The following SHROOM3 variants were observed in gnomAD, a reference collection of about 807,000 sequenced individuals.
The protein encoded by SHROOM3 is protein Shroom3.
SHROOM3 carries 47 observed loss-of-function variants against 138.6 expected under a neutral mutation model. The ratio of observed to expected loss-of-function variants is 0.34; its 90% CI spans 0.27 to 0.43. The LOEUF (loss-of-function observed/expected upper bound fraction) is 0.43, where lower values mean the gene tolerates loss of function less well. Among genes scored for constraint, SHROOM3 ranks in the 20% least tolerant of loss-of-function variants. The pLI is 1.00. For missense variants in SHROOM3, 2,491 were observed against 2,596.5 expected (o/e 0.96, Z 0.88); for synonymous variants, 1,062 against 1,063.3 (o/e 1.00, Z 0.02).
intron 2 of SHROOM3, among the ~76,000 whole-genome samples, chr4:76,683,205 CTATTA>C (rs952302997): frequency 5.9e-5 from 9 of 152,014 alleles, no homozygotes; most frequent in Non-Finnish European, 1.0e-4. Context: ...TCATAATCAT[CTATTA>C]TGTGTTTTAT....
At chr4:76,636,804 C>T (rs910964551) in intron 2 of SHROOM3, among the ~76,000 whole-genome samples, 1 of 152,214 alleles carries the variant, frequency 6.6e-6, no homozygotes, top group Admixed American at 6.5e-5. Context: ...CCACCTTTCA[C>T]CCTGAGCTGC....
At chr4:76,547,775 C>T (rs139401494) in intron 1 of SHROOM3, among the ~76,000 whole-genome samples, 1,832 of 152,154 alleles carry the variant, frequency 0.012, 11 homozygotes, top group Non-Finnish European at 0.019. Context: ...ACTAAAGATA[C>T]AAAAATTAAC....
chr4:76,615,538 C>T (rs1734855993), intron 2 of SHROOM3, among the ~76,000 whole-genome samples: 1 of 152,168 alleles, frequency 6.6e-6, no homozygotes, highest in Non-Finnish European at 1.5e-5. Flanking sequence ...TCATCCTGCT[C>T]TTAATGACTG....
chr4:76,581,801 T>G (rs555844912), intron 2 of SHROOM3, among the ~76,000 whole-genome samples: 1 of 152,234 alleles, frequency 6.6e-6, no homozygotes, highest in African/African-American at 2.4e-5. Context: ...GAAACCTATA[T>G]GTGGGAATTT....
At chr4:76,674,536 T>A (rs1341523030) in intron 2 of SHROOM3, among the ~76,000 whole-genome samples, 3 of 150,730 alleles carry the variant, frequency 2.0e-5, no homozygotes, top group Non-Finnish European at 4.4e-5. Flanking sequence ...TTTCTTTCTT[T>A]CTTTCCTTCC....
intron 6 of SHROOM3, among the ~76,000 whole-genome samples, chr4:76,750,225 G>A (rs1218665931): frequency 6.6e-6 from 1 of 152,082 alleles, no homozygotes; most frequent in Non-Finnish European, 1.5e-5. Flanking sequence ...AGAGACAAGG[G>A]AAAACTAACA....
At chr4:76,450,554 A>G (rs772917869) in intron 1 of SHROOM3, among the ~76,000 whole-genome samples, 106 of 152,258 alleles carry the variant, frequency 7.0e-4, no homozygotes, top group Non-Finnish European at 2.9e-5. Flanking sequence ...TGGCAATAAG[A>G]AGGAACTGAG....
intron 1 of SHROOM3, among the ~76,000 whole-genome samples, chr4:76,519,550 A>C (rs1732520041): frequency 6.6e-6 from 1 of 152,218 alleles, no homozygotes; most frequent in Admixed American, 6.5e-5. Context: ...ATTTCCCCCC[A>C]GAACAAACAT....
At chr4:76,547,209 G>A (rs1386868365) in intron 1 of SHROOM3, among the ~76,000 whole-genome samples, 1 of 152,208 alleles carries the variant, frequency 6.6e-6, no homozygotes, top group Non-Finnish European at 1.5e-5. Context: ...CAAGTGAAGT[G>A]TTACTTTAGG....
At chr4:76,697,825 G>A (rs901571870) in intron 2 of SHROOM3, among the ~76,000 whole-genome samples, 1 of 152,218 alleles carries the variant, frequency 6.6e-6, no homozygotes, top group African/African-American at 2.4e-5. Context: ...TGGTATGTAT[G>A]TCAGTGGGTC....
chr4:76,694,658 G>T (rs955943420), intron 2 of SHROOM3, among the ~76,000 whole-genome samples: 38 of 152,156 alleles, frequency 2.5e-4, no homozygotes, highest in Admixed American at 7.2e-4. Context: ...TCTGCAAGAT[G>T]GTGATAATGA....
At chr4:76,482,507 G>A (rs1560519852) in intron 1 of SHROOM3, among the ~76,000 whole-genome samples, 2 of 150,348 alleles carry the variant, frequency 1.3e-5, no homozygotes, top group South Asian at 2.1e-4. Flanking sequence ...AATAAGAGAG[G>A]ACAAATGGAA....
rs762477123 is a variant in SHROOM3, at chr4:76,755,063, C to G, written c.4580C>G (p.Pro1527Arg). The G allele has an allele frequency of 6.3e-7, 1 of 1,597,678 alleles. No individual in the cohort carries two copies. Among genetic ancestry groups the G allele is most frequent in the Non-Finnish European group, 8.5e-7 (1 of 1,169,778 alleles). Reference sequence around the variant, plus strand: ...TCCAGCCCCACATTTGAACCTCTTCCCCCACCCCCACCTCCTCCACCGAGT... The same window carrying G: ...TCCAGCCCCACATTTGAACCTCTTCGCCCACCCCCACCTCCTCCACCGAGT... ...ATSSPTFEPL[P>R]PPPPPPPSQE... The change falls in exon 7 of 11, where the codon CCC (proline) becomes CGC (arginine). Residue 1527 changes from proline (P) to arginine (R), a missense_variant. Pro to Arg is a moderately radical substitution (Grantham distance 103, BLOSUM62 -2). Transcript: ENST00000296043.
At chr4:76,562,947 G>A (rs189756093) in intron 2 of SHROOM3, among the ~76,000 whole-genome samples, 14 of 152,086 alleles carry the variant, frequency 9.2e-5, no homozygotes, top group Non-Finnish European at 1.9e-4. Context: ...TGTGTAGCAC[G>A]AAGGTGCCAA....
rs935265540 is a variant in SHROOM3 at position 76,782,892 on chromosome 4, T to C, written c.*3715T>C. On this transcript the variant is annotated 3_prime_UTR_variant, in exon 11 of 11. Transcript: ENST00000296043. ...AAGACCATTTTAATATCAGAAAGGG[T>C]TGTCTTATTAATTTTTAAATAAAAC... The C allele has an allele frequency of 4.6e-5, 7 of 152,176 alleles. No individual in the cohort carries two copies. The highest frequency in any genetic ancestry group is 1.0e-4 in the Non-Finnish European group (7 of 68,034). 9.4% of individuals were successfully genotyped at this position (152,176 alleles called of 1,614,324 possible).
At chr4:76,628,204 G>A (rs1270482975) in intron 2 of SHROOM3, among the ~76,000 whole-genome samples, 2 of 152,238 alleles carry the variant, frequency 1.3e-5, no homozygotes, top group Admixed American at 1.3e-4. Context: ...TAGGAAAGTA[G>A]TCCAGGAAGG....
At chr4:76,605,964 T>C (rs928671165) in intron 2 of SHROOM3, among the ~76,000 whole-genome samples, 4 of 138,870 alleles carry the variant, frequency 2.9e-5, no homozygotes, top group African/African-American at 1.1e-4. Context: ...TATATATACA[T>C]ATATATACAC....
At position 76,779,243 on chromosome 4, in the gene SHROOM3, T is replaced by G. The variant is rs3733241; in HGVS notation, c.*66T>G. On this transcript the variant is annotated 3_prime_UTR_variant, in exon 11 of 11. Transcript: ENST00000296043. Reference sequence around the variant, plus strand: ...CAACACTATTTAATCTGAAAAATGTTTCAGTACAAACCACTGTTTGAACTA... The same window carrying G: ...CAACACTATTTAATCTGAAAAATGTGTCAGTACAAACCACTGTTTGAACTA... The G allele has an allele frequency of 1.6e-4, 249 of 1,526,188 alleles. 1 individual carries two copies. In the East Asian group the frequency reaches 5.5e-3, roughly 34 times the overall value. 94.5% of individuals were successfully genotyped at this position (1,526,188 alleles called of 1,614,324 possible).
At chr4:76,630,590 T>C (rs1169309633) in intron 2 of SHROOM3, among the ~76,000 whole-genome samples, 3 of 152,194 alleles carry the variant, frequency 2.0e-5, no homozygotes, top group Non-Finnish European at 4.4e-5. Context: ...CATTGGATTA[T>C]AGGAAGCTGG....
Sources: gnomAD v4.1 joint callset for allele counts (sites outside exome capture counted in the v4.1 genomes callset) on GRCh38, gnomAD v4.1.1 for gene constraint, MANE v1.5 for transcripts, NCBI Gene and HGNC (gene_info 2026-07-23, HGNC 2026-07-21) for gene names.